Variants in FBLN2 observed in about 807,000 individuals in gnomAD.
FBLN2 encodes fibulin 2.
In FBLN2, 81 loss-of-function variants were observed where a neutral mutation model predicts 123.7. The observed-to-expected ratio is 0.65, with a 90% CI of 0.55 to 0.79. The LOEUF (loss-of-function observed/expected upper bound fraction) is 0.79, where lower values mean the gene tolerates loss of function less well. FBLN2 is among the 30% of genes least tolerant of loss of function. FBLN2 has a pLI of 0.00. For missense variants in FBLN2, 1,603 were observed against 1,681.3 expected, an observed-to-expected ratio of 0.95 and a Z score of 0.81; for synonymous variants, 699 against 701.4, an observed-to-expected ratio of 1.00 and a Z score of 0.05.
At chr3:13,622,347 G>A (rs562663039) in intron 9 of FBLN2, among the ~76,000 whole-genome samples, 112 of 152,346 alleles carry the variant, frequency 7.4e-4, no homozygotes, top group Non-Finnish European at 1.3e-3. Context: ...GTAGTAAGGA[G>A]GCTGTTGATC....
chr3:13,552,872 G>C (rs558885667), intron 1 of FBLN2, among the ~76,000 whole-genome samples: 1 of 152,316 alleles, frequency 6.6e-6, no homozygotes, highest in Non-Finnish European at 1.5e-5. Context: ...GGCCAATGCT[G>C]TGCCAGGGGC....
chr3:13,633,994 C>CACACACACACACACACACACACAG (rs1486654741), intron 16 of FBLN2, among the ~76,000 whole-genome samples: 16 of 150,580 alleles, frequency 1.1e-4, no homozygotes, highest in Non-Finnish European at 1.8e-4. Flanking sequence ...CACACACACA[C>CACACACACACACACACACACACAG]AGCTGAAAGT....
intron 2 of FBLN2, among the ~76,000 whole-genome samples, chr3:13,595,508 T>C (rs1704812541): frequency 6.6e-6 from 1 of 151,900 alleles, no homozygotes; most frequent in South Asian, 2.1e-4. Context: ...CCACAGACCT[T>C]CAGGTAACCC....
intron 1 of FBLN2, chr3:13,569,160 T>G (rs574279864): frequency 5.0e-4 from 303 of 605,028 alleles, no homozygotes; most frequent in Non-Finnish European, 5.9e-4. Context: ...GCATGAGGAC[T>G]GGTGAGAAGG....
chr3:13,614,573 T>C (rs1003991637), intron 5 of FBLN2, among the ~76,000 whole-genome samples: 1 of 150,354 alleles, frequency 6.7e-6, no homozygotes, highest in African/African-American at 2.5e-5. Flanking sequence ...TATCCCATCA[T>C]CTGTCCATCC....
intron 5 of FBLN2, among the ~76,000 whole-genome samples, chr3:13,617,179 T>TATCCATCC (rs1333288888): frequency 3.1e-5 from 4 of 129,492 alleles, no homozygotes; most frequent in Non-Finnish European, 6.7e-5. Flanking sequence ...TCCATCCATC[T>TATCCATCC]ATCCATCCAT....
At chr3:13,591,919 T>C (rs562370391) in intron 2 of FBLN2, among the ~76,000 whole-genome samples, 1 of 152,240 alleles carries the variant, frequency 6.6e-6, no homozygotes, top group Non-Finnish European at 1.5e-5. Flanking sequence ...CCCAGCACCA[T>C]GTGTTGAAAA....
At chr3:13,634,771 C>T (rs1327849928) in intron 16 of FBLN2, among the ~76,000 whole-genome samples, 1 of 152,234 alleles carries the variant, frequency 6.6e-6, no homozygotes, top group Non-Finnish European at 1.5e-5. Context: ...AGCCTGGCAG[C>T]CAAGAGCCCA....
At chr3:13,608,658 A>C (rs1705287479) in intron 3 of FBLN2, among the ~76,000 whole-genome samples, 3 of 152,162 alleles carry the variant, frequency 2.0e-5, no homozygotes, top group African/African-American at 4.8e-5. Context: ...ACAGCAAAGC[A>C]ATCCTTTATC....
chr3:13,587,406 A>T (rs1216101996), intron 2 of FBLN2, among the ~76,000 whole-genome samples: 1 of 152,224 alleles, frequency 6.6e-6, no homozygotes, highest in Non-Finnish European at 1.5e-5. Context: ...TAAAATCTGC[A>T]GTAGTGCACA....
At chr3:13,619,900 G>C (rs764545116) in intron 8 of FBLN2, 69 bp downstream of exon 8, 2 of 1,291,860 alleles carry the variant, frequency 1.5e-6, no homozygotes, top group Non-Finnish European at 2.2e-6. Flanking sequence ...CCTCCAGGTG[G>C]GGGTGGCTGA....
chr3:13,617,138 TCATCAATC>T (rs1405756786), intron 5 of FBLN2, among the ~76,000 whole-genome samples: 85 of 102,748 alleles, frequency 8.3e-4, no homozygotes, highest in African/African-American at 5.3e-3. Context: ...GCCCATCCAT[TCATCAATC>T]CATCCATCCA....
At chr3:13,550,833 C>G (rs1049536533) in intron 1 of FBLN2, among the ~76,000 whole-genome samples, 1 of 152,220 alleles carries the variant, frequency 6.6e-6, no homozygotes, top group Non-Finnish European at 1.5e-5. Flanking sequence ...GAGGCACAAA[C>G]CTGCCAGCCC....
intron 16 of FBLN2, 46 bp from the exon 17 acceptor site, chr3:13,636,399 G>T (rs923654397): frequency 7.5e-6 from 12 of 1,604,692 alleles, no homozygotes; most frequent in Non-Finnish European, 9.4e-6. Flanking sequence ...TTCAGGCTGG[G>T]TCCCCCAGCT....
At chr3:13,619,056 G>C (rs1272839878) in intron 7 of FBLN2, 39 bp downstream of exon 7, 2 of 1,503,296 alleles carry the variant, frequency 1.3e-6, no homozygotes, top group South Asian at 1.2e-5. Flanking sequence ...CAGGGCCCAG[G>C]GTCCAGGGGG....
chr3:13,597,307 C>A (rs1414600628), intron 2 of FBLN2, among the ~76,000 whole-genome samples: 2 of 152,108 alleles, frequency 1.3e-5, no homozygotes, highest in African/African-American at 4.8e-5. Flanking sequence ...TCAGTACTGT[C>A]TTTGTTTGGG....
intron 4 of FBLN2, 148 bp downstream of exon 4, chr3:13,609,790 C>A: frequency 1.2e-6 from 1 of 863,702 alleles, no homozygotes; most frequent in Non-Finnish European, 1.8e-6. Flanking sequence ...TGGAAGGACT[C>A]TTAATCTGCG....
At chr3:13,579,109 T>C (rs184584421) in intron 2 of FBLN2, among the ~76,000 whole-genome samples, 1 of 152,282 alleles carries the variant, frequency 6.6e-6, no homozygotes, top group Admixed American at 6.5e-5. Flanking sequence ...CATTTTACAT[T>C]CCCACCGGCA....
intron 2 of FBLN2, among the ~76,000 whole-genome samples, chr3:13,581,209 G>A (rs1352281033): frequency 2.0e-5 from 3 of 151,068 alleles, no homozygotes; most frequent in Non-Finnish European, 3.0e-5. Context: ...AGTCAGGGGC[G>A]GCAGGTGGGG....
Sources: allele counts gnomAD v4.1 joint callset (sites outside exome capture counted in the v4.1 genomes callset), GRCh38; gene constraint gnomAD v4.1.1; transcripts MANE v1.5; gene names NCBI Gene and HGNC (gene_info 2026-07-23, HGNC 2026-07-21).